Variants in MAST4 observed in about 807,000 individuals in gnomAD.
MAST4 encodes microtubule associated serine/threonine kinase family member 4.
Under a neutral mutation model 162.7 loss-of-function variants are expected in MAST4, and 89 were observed. The ratio of observed to expected loss-of-function variants is 0.55; its 90% CI spans 0.46 to 0.65. The LOEUF is 0.65. MAST4 is among the 30% of genes least tolerant of loss of function. The pLI is 0.00. For missense variants in MAST4, 3,153 were observed against 3,374.0 expected (o/e 0.93, Z 1.62); for synonymous variants, 1,479 against 1,361.1 (o/e 1.09, Z -1.91).
At chr5:66,736,483 C>G (rs1752163428) in intron 1 of MAST4, among the ~76,000 whole-genome samples, 2 of 152,174 alleles carry the variant, frequency 1.3e-5, no homozygotes, top group South Asian at 4.1e-4. Flanking sequence ...GAATGAAATG[C>G]AAGTTCTTGG....
At chr5:66,902,989 A>G (rs1290078820) in intron 4 of MAST4, among the ~76,000 whole-genome samples, 1 of 152,238 alleles carries the variant, frequency 6.6e-6, no homozygotes, top group Non-Finnish European at 1.5e-5. Context: ...TAAAGTAACC[A>G]AACCAGAGTA....
chr5:66,753,366 G>GT (rs1753311583), intron 1 of MAST4, among the ~76,000 whole-genome samples: 1 of 151,656 alleles, frequency 6.6e-6, no homozygotes, highest in Non-Finnish European at 1.5e-5. Flanking sequence ...CCAGGAGCTG[G>GT]TTTTTTGAAA....
At chr5:66,728,488 A>G (rs1751651213) in intron 1 of MAST4, among the ~76,000 whole-genome samples, 1 of 152,214 alleles carries the variant, frequency 6.6e-6, no homozygotes, top group Non-Finnish European at 1.5e-5. Context: ...ATAATATGGA[A>G]TATTTTAATT....
chr5:67,077,438 C>T (rs571742365), intron 5 of MAST4, among the ~76,000 whole-genome samples: 6 of 152,228 alleles, frequency 3.9e-5, no homozygotes, highest in African/African-American at 9.6e-5. Context: ...GCCTAAGAAG[C>T]GCCTGGAGTA....
At chr5:66,613,726 C>A (rs966077461) in intron 1 of MAST4, among the ~76,000 whole-genome samples, 7 of 152,120 alleles carry the variant, frequency 4.6e-5, no homozygotes, top group African/African-American at 1.7e-4. Flanking sequence ...GGTGGTTTCT[C>A]CAGGCCTCAA....
At chr5:67,108,379 T>C (rs1465462279) in intron 10 of MAST4, among the ~76,000 whole-genome samples, 1 of 152,152 alleles carries the variant, frequency 6.6e-6, no homozygotes, top group Non-Finnish European at 1.5e-5. Context: ...AAGTTTTCTG[T>C]TTAGTTTGGT....
At chr5:67,061,564 G>A (rs1759605632) in intron 5 of MAST4, among the ~76,000 whole-genome samples, 1 of 150,952 alleles carries the variant, frequency 6.6e-6, no homozygotes, top group African/African-American at 2.4e-5. Context: ...GTGCATGTAT[G>A]TGTGGTCCAA....
intron 4 of MAST4, among the ~76,000 whole-genome samples, chr5:67,030,188 TTTTTA>T (rs1360106010): frequency 1.3e-5 from 2 of 152,118 alleles, no homozygotes; most frequent in Non-Finnish European, 2.9e-5. Flanking sequence ...TCCTTATAGG[TTTTTA>T]TTTAACAAAT....
In MAST4 at chr5:67,166,200, G is replaced by A; in HGVS notation, c.7021G>A (p.Asp2341Asn). Residue 2341 changes from aspartate (D) to asparagine (N), a missense_variant, in exon 29 of 29, where the codon GAT becomes AAT. Coordinates refer to ENST00000403625, the MANE Select transcript of MAST4 (RefSeq NM_001164664.2). ...PKHPKPSTVK[D>N]CPTLCKQTDN... is the part of the protein sequence containing the mutation. ...GCACCCCAAACCATCCACTGTGAAA[G>A]ATTGCCCCACCCTGTGCAAACAGAC... is the stretch of plus-strand genomic sequence containing the variant. 6.4e-7 allele frequency: 1 copy of A among 1,553,396 alleles called. No homozygotes were observed. The highest frequency in any genetic ancestry group is 8.7e-7 in the Non-Finnish European group (1 of 1,147,794).
At chr5:66,729,009 CT>C (rs1174627055) in intron 1 of MAST4, among the ~76,000 whole-genome samples, 2 of 152,158 alleles carry the variant, frequency 1.3e-5, no homozygotes, top group South Asian at 2.1e-4. Context: ...TAATTTTTCT[CT>C]GTTTTGTAAA....
At chr5:66,742,809 A>C (rs1752548174) in intron 1 of MAST4, among the ~76,000 whole-genome samples, 1 of 152,196 alleles carries the variant, frequency 6.6e-6, no homozygotes, top group South Asian at 2.1e-4. Flanking sequence ...CTTGTCGTCA[A>C]GAACAAATAC....
chr5:66,829,026 G>C (rs1757418111), intron 3 of MAST4: 4 of 735,652 alleles, frequency 5.4e-6, no homozygotes. Context: ...CGGAGTTTCT[G>C]GTTACAGGTA....
At position 67,164,016 on chromosome 5, in the gene MAST4, G is replaced by C. The variant is rs1191357036; in HGVS notation, c.4837G>C (p.Val1613Leu). 5.0e-6 allele frequency: 8 copies of C among 1,592,118 alleles called. No homozygotes were observed. The highest frequency in any genetic ancestry group is 2.3e-5 in the South Asian group (2 of 88,558). ...GGATGCTCTTCACAAGCAGGCCAGC[G>C]TGCGCGCCAGCGAGGGTGCGATGTC... ...LKDALHKQAS[V>L]RASEGAMSDG... The change falls in exon 29 of 29, where the codon GTG becomes CTG. Residue 1613 changes from valine to leucine, a missense_variant. Coordinates refer to ENST00000403625, the MANE Select transcript of MAST4 (RefSeq NM_001164664.2). This position sits in a 1 kb window ranked among gnomAD's most constrained non-coding sequence, Gnocchi z 5.3.
rs200247881 is a variant in MAST4 at position 67,164,470 on chromosome 5, G to C, written c.5291G>C (p.Arg1764Pro). 6.2e-7 allele frequency: 1 copy of C among 1,614,016 alleles called. No individual in the cohort carries two copies. Among genetic ancestry groups the C allele is most frequent in the East Asian group, 2.2e-5 (1 of 44,874 alleles). The part of the protein sequence containing the change: ...SFVPLKALTG[R>P]VDSGTEKPGL... ...GTTCCCCTCAAGGCCTTAACAGGCCGGGTGGACAGTGGAACGGAGAAGCCT... is the reference window on the plus strand; with the variant it reads ...GTTCCCCTCAAGGCCTTAACAGGCCCGGTGGACAGTGGAACGGAGAAGCCT... The change falls in exon 29 of 29, where the codon CGG becomes CCG. Residue 1764 changes from arginine (R) to proline (P), a missense_variant. By Grantham distance (103) the Arg-to-Pro change is moderately radical (BLOSUM62 -2). Transcript: ENST00000403625. This position sits in a 1 kb window ranked among gnomAD's most constrained non-coding sequence, Gnocchi z 5.3.
Position 67,039,981 on chromosome 5 carries a change from G to A in MAST4, c.675-14423G>A, listed in dbSNP as rs148061804. On this transcript the variant is annotated intron_variant, in intron 4 of 28. Transcript: ENST00000403625. ...AGATTTTATATATATATATATATAT[G>A]TGTGTGTATATATATATAATATAAA... Among the ~76,000 whole-genome samples the A allele has an allele frequency of 5.4e-3, 797 of 147,864 alleles. 10 individuals are homozygous for A. Among genetic ancestry groups the A allele is most frequent in the Admixed American group, 0.022 (325 of 14,754 alleles).
intron 7 of MAST4, among the ~76,000 whole-genome samples, chr5:67,096,242 A>G (rs1364931655): frequency 1.3e-5 from 2 of 152,340 alleles, no homozygotes; most frequent in African/African-American, 2.4e-5. Context: ...ATAGAGGAAA[A>G]TGGATACTCT....
At chr5:66,885,636 C>T (rs1244251981) in intron 3 of MAST4, among the ~76,000 whole-genome samples, 1 of 152,066 alleles carries the variant, frequency 6.6e-6, no homozygotes, top group African/African-American at 2.4e-5. Flanking sequence ...CCAGGTAATC[C>T]ATTTTGGCTT....
intron 2 of MAST4, among the ~76,000 whole-genome samples, chr5:66,782,158 G>A (rs948362085): frequency 4.7e-4 from 72 of 152,058 alleles, no homozygotes; most frequent in Admixed American, 4.5e-3. Context: ...GCATGGTGGT[G>A]GGCGCCTGTA....
At chr5:66,628,641 C>T (rs958862153) in intron 1 of MAST4, among the ~76,000 whole-genome samples, 3 of 151,370 alleles carry the variant, frequency 2.0e-5, no homozygotes, top group South Asian at 2.1e-4. Context: ...GGTAGAGGGG[C>T]GGGGGGAAAG....
Sources: gnomAD v4.1 joint callset for allele counts (sites outside exome capture counted in the v4.1 genomes callset) on GRCh38, gnomAD v4.1.1 for gene constraint, Gnocchi (gnomAD v3.1) non-coding constraint, MANE v1.5 for transcripts, NCBI Gene and HGNC (gene_info 2026-07-23, HGNC 2026-07-21) for gene names.